The following SORCS3 variants were observed in gnomAD, a reference collection of about 807,000 sequenced individuals.
The protein encoded by SORCS3 is sortilin related VPS10 domain containing receptor 3, also known as VPS10 domain-containing receptor SorCS3.
Under a neutral mutation model 146.3 loss-of-function variants are expected in SORCS3, and 57 were observed. The ratio of observed to expected loss-of-function variants is 0.39; its 90% confidence interval spans 0.31 to 0.49. SORCS3 has a LOEUF of 0.49. Among genes scored for constraint, SORCS3 ranks in the 20% least tolerant of loss-of-function variants. The probability of loss-of-function intolerance (pLI) is 0.92; values close to 1 mark genes in which losing one functional copy is unlikely to be tolerated. For missense variants in SORCS3, 1,341 were observed against 1,575.5 expected, an observed-to-expected ratio of 0.85 and a Z score of 2.52; for synonymous variants, 653 against 618.5, an observed-to-expected ratio of 1.06 and a Z score of -0.83.
intron 14 of SORCS3, among the ~76,000 whole-genome samples, chr10:105,179,488 A>G (rs536913987): frequency 5.3e-5 from 8 of 152,308 alleles, no homozygotes; most frequent in African/African-American, 1.9e-4. Context: ...TTTCTTATCA[A>G]GATACTTAGA....
At chr10:105,242,327 CATATATTTATAT>C (rs2056829286) in intron 20 of SORCS3, among the ~76,000 whole-genome samples, 1 of 96,854 alleles carries the variant, frequency 1.0e-5, no homozygotes, top group African/African-American at 4.1e-5. Flanking sequence ...TATATTTATA[CATATATTTATAT>C]ATATATTTAT....
chr10:105,191,740 A>G (rs1014042818), intron 14 of SORCS3, among the ~76,000 whole-genome samples: 1 of 152,110 alleles, frequency 6.6e-6, no homozygotes, highest in African/African-American at 2.4e-5. Flanking sequence ...TAAGGAATGC[A>G]CAACCTAGAT....
chr10:105,090,781 G>A (rs1160587208), intron 6 of SORCS3, among the ~76,000 whole-genome samples: 2 of 152,058 alleles, frequency 1.3e-5, no homozygotes, highest in African/African-American at 4.8e-5. Flanking sequence ...CACCTCCCAG[G>A]ATTATAGGTT....
chr10:104,908,321 G>A (rs2018930187), intron 2 of SORCS3, among the ~76,000 whole-genome samples: 1 of 152,168 alleles, frequency 6.6e-6, no homozygotes, highest in Admixed American at 6.5e-5. Flanking sequence ...GTATCCGTGT[G>A]CCTCACCCCT....
chr10:104,931,501 G>A (rs778572305), intron 3 of SORCS3, among the ~76,000 whole-genome samples: 3 of 152,200 alleles, frequency 2.0e-5, no homozygotes, highest in Non-Finnish European at 2.9e-5. Flanking sequence ...TTAAGGCTAA[G>A]TTGTACTCAG....
intron 1 of SORCS3, among the ~76,000 whole-genome samples, chr10:104,791,683 G>A (rs138815684): frequency 2.0e-5 from 3 of 152,324 alleles, no homozygotes; most frequent in Non-Finnish European, 4.4e-5. Context: ...GCGTGGGAAT[G>A]CTGATGTCTG....
At chr10:104,694,963 C>T (rs1280588068) in intron 1 of SORCS3, among the ~76,000 whole-genome samples, 1 of 152,126 alleles carries the variant, frequency 6.6e-6, no homozygotes, top group East Asian at 1.9e-4. Context: ...GACCAAACAG[C>T]TTTTCTGTAT....
intron 2 of SORCS3, among the ~76,000 whole-genome samples, chr10:104,871,495 T>C (rs940480936): frequency 6.6e-6 from 1 of 152,198 alleles, no homozygotes; most frequent in South Asian, 2.1e-4. Flanking sequence ...CGTTTGGCAA[T>C]GCAGGTGGAC....
At chr10:104,662,080 C>T (rs1260334592) in intron 1 of SORCS3, among the ~76,000 whole-genome samples, 3 of 152,100 alleles carry the variant, frequency 2.0e-5, no homozygotes, top group African/African-American at 7.2e-5. Flanking sequence ...GATTATCAAG[C>T]TCACATGGCT....
At chr10:105,124,723 C>T (rs1311263546) in intron 7 of SORCS3, among the ~76,000 whole-genome samples, 3 of 152,142 alleles carry the variant, frequency 2.0e-5, no homozygotes, top group Non-Finnish European at 2.9e-5. Flanking sequence ...TTGATGGGAA[C>T]ATGAAATTAG....
chr10:104,995,394 G>A (rs1045198296), intron 4 of SORCS3, among the ~76,000 whole-genome samples: 1 of 151,976 alleles, frequency 6.6e-6, no homozygotes, highest in Non-Finnish European at 1.5e-5. Flanking sequence ...TCCTGACTTC[G>A]TGATCTGCAC....
At chr10:104,804,055 C>A (rs1056097920) in intron 1 of SORCS3, among the ~76,000 whole-genome samples, 3 of 152,188 alleles carry the variant, frequency 2.0e-5, no homozygotes, top group Admixed American at 6.5e-5. Flanking sequence ...TCCTTTGCCT[C>A]CTCTAATTAC....
At chr10:105,008,510 T>A (rs998799898) in intron 4 of SORCS3, among the ~76,000 whole-genome samples, 1 of 152,212 alleles carries the variant, frequency 6.6e-6, no homozygotes, top group African/African-American at 2.4e-5. Context: ...TTTGTTGCAT[T>A]GACTCATGAG....
chr10:104,659,488 G>A (rs544232625), intron 1 of SORCS3, among the ~76,000 whole-genome samples: 2 of 152,166 alleles, frequency 1.3e-5, no homozygotes, highest in Non-Finnish European at 2.9e-5. Flanking sequence ...CCCCCAGAAT[G>A]TAGCCTTGGG....
chr10:104,686,221 G>A (rs1173299319), intron 1 of SORCS3, among the ~76,000 whole-genome samples: 2 of 152,190 alleles, frequency 1.3e-5, no homozygotes, highest in South Asian at 2.1e-4. Context: ...CTGAGCAGGG[G>A]CCTGGCTTTC....
chr10:105,250,662 TG>T (rs1367731068), intron 22 of SORCS3, among the ~76,000 whole-genome samples: 1 of 152,170 alleles, frequency 6.6e-6, no homozygotes, highest in Non-Finnish European at 1.5e-5. Flanking sequence ...GCCCCTAGTC[TG>T]GCCTCCTGAG....
intron 1 of SORCS3, among the ~76,000 whole-genome samples, chr10:104,774,876 A>T (rs2017291197): frequency 6.6e-6 from 1 of 152,184 alleles, no homozygotes; most frequent in Admixed American, 6.5e-5. Context: ...AGATTCTGTG[A>T]TTTTATGAAC....
intron 7 of SORCS3, among the ~76,000 whole-genome samples, chr10:105,118,069 C>A (rs1035661927): frequency 1.3e-5 from 2 of 152,098 alleles, no homozygotes; most frequent in African/African-American, 4.8e-5. Flanking sequence ...TTACTTCCTA[C>A]CCTCTCTGAT....
At chr10:104,747,873 G>A (rs1050863589) in intron 1 of SORCS3, among the ~76,000 whole-genome samples, 1 of 152,204 alleles carries the variant, frequency 6.6e-6, no homozygotes, top group African/African-American at 2.4e-5. Context: ...GAACAGCACT[G>A]GGTTTAAAGC....
Sources: gnomAD v4.1 joint callset for allele counts (sites outside exome capture counted in the v4.1 genomes callset) on GRCh38, gnomAD v4.1.1 for gene constraint, MANE v1.5 for transcripts, NCBI Gene and HGNC (gene_info 2026-07-23, HGNC 2026-07-21) for gene names.